CHN2: variants seen among roughly 807,000 people sequenced by gnomAD.
The protein encoded by CHN2 is chimerin 2.
A neutral mutation model predicts 56.3 loss-of-function variants in CHN2; 35 were observed. The observed-to-expected ratio is 0.62, with a 90% CI of 0.47 to 0.82. The LOEUF (loss-of-function observed/expected upper bound fraction) is 0.82. Among genes scored for constraint, CHN2 ranks in the 40% least tolerant of loss-of-function variants. CHN2 has a pLI of 0.00. For missense variants in CHN2, 491 were observed against 580.5 expected, an observed-to-expected ratio of 0.85 and a Z score of 1.58; for synonymous variants, 210 against 212.8, an observed-to-expected ratio of 0.99 and a Z score of 0.12.
intron 6 of CHN2, among the ~76,000 whole-genome samples, chr7:29,443,420 G>A (rs534099154): frequency 6.6e-6 from 1 of 152,294 alleles, no homozygotes; most frequent in South Asian, 2.1e-4. Flanking sequence ...CTAGGTTTGT[G>A]TCAGTACATC....
chr7:29,211,068 T>TTTGTTG (rs1554363856), intron 1 of CHN2, among the ~76,000 whole-genome samples: 5 of 147,426 alleles, frequency 3.4e-5, no homozygotes, highest in East Asian at 2.0e-4. Context: ...TGTTTTTTTT[T>TTTGTTG]TTGTTGTTGT....
chr7:29,456,427 G>GA (rs1562621340), intron 6 of CHN2, among the ~76,000 whole-genome samples: 6 of 152,162 alleles, frequency 3.9e-5, no homozygotes, highest in African/African-American at 1.4e-4. Flanking sequence ...GAGAGAGGGG[G>GA]ACAGAAGAAG....
intron 1 of CHN2, among the ~76,000 whole-genome samples, chr7:29,258,021 T>C (rs1429560810): frequency 6.6e-6 from 1 of 152,102 alleles, no homozygotes; most frequent in Non-Finnish European, 1.5e-5. Flanking sequence ...TGGGGTCAAG[T>C]GATCCTCCTG....
chr7:29,324,462 G>A (rs1795641066), intron 1 of CHN2, among the ~76,000 whole-genome samples: 1 of 152,128 alleles, frequency 6.6e-6, no homozygotes, highest in Non-Finnish European at 1.5e-5. Context: ...ATAGGGGTTG[G>A]GTTAGTTCAG....
At chr7:29,394,678 A>G (rs1230686414) in intron 4 of CHN2, among the ~76,000 whole-genome samples, 1 of 152,224 alleles carries the variant, frequency 6.6e-6, no homozygotes, top group Non-Finnish European at 1.5e-5. Context: ...CCTACTGTCT[A>G]ATCTATGTTG....
At chr7:29,437,426 G>A (rs1348522453) in intron 6 of CHN2, among the ~76,000 whole-genome samples, 2 of 108,834 alleles carry the variant, frequency 1.8e-5, no homozygotes, top group African/African-American at 4.5e-5. Flanking sequence ...GTGAAACCCC[G>A]TCTCTACTAA....
In CHN2 at chr7:29,469,762, C is replaced by T. The variant is rs1785872628; in HGVS notation, c.577-10517C>T. ...CTTTGTTTTTCTTCATGGTTCCCAA[C>T]ACTTTTTAAAAGAATATACAATGTA... On this transcript the variant is annotated intron_variant, in intron 6 of 12. Coordinates refer to ENST00000222792, the MANE Select transcript of CHN2 (RefSeq NM_004067.4). 6.6e-5 allele frequency among the ~76,000 whole-genome samples: 10 copies of T among 152,298 alleles called. No individual in the cohort carries two copies. The South Asian group carries it at 2.1e-3, about 32-fold the overall frequency.
At chr7:29,480,847 G>C (rs930378621) in intron 7 of CHN2, among the ~76,000 whole-genome samples, 2 of 152,220 alleles carry the variant, frequency 1.3e-5, no homozygotes, top group Non-Finnish European at 2.9e-5. Context: ...AATGACAGGA[G>C]ATGCCATCCA....
At chr7:29,279,436 G>A (rs1048973010) in intron 1 of CHN2, among the ~76,000 whole-genome samples, 6 of 152,240 alleles carry the variant, frequency 3.9e-5, no homozygotes, top group Admixed American at 3.9e-4. Flanking sequence ...TTAGACATTG[G>A]AATGCATTTG....
chr7:29,427,503 A>G (rs912747418), intron 6 of CHN2, among the ~76,000 whole-genome samples: 4 of 152,072 alleles, frequency 2.6e-5, no homozygotes, highest in Non-Finnish European at 4.4e-5. Context: ...AATTCTGCCT[A>G]CCACATCCTC....
intron 1 of CHN2, among the ~76,000 whole-genome samples, chr7:29,297,768 G>A (rs895889387): frequency 6.6e-6 from 1 of 152,068 alleles, no homozygotes; most frequent in Non-Finnish European, 1.5e-5. Flanking sequence ...ACCTTTCCCA[G>A]TTTGGAGGAT....
chr7:29,471,013 T>G (rs1785981962), intron 6 of CHN2, among the ~76,000 whole-genome samples: 1 of 152,224 alleles, frequency 6.6e-6, no homozygotes, highest in Non-Finnish European at 1.5e-5. Flanking sequence ...TCGTAATAGC[T>G]GCTTCTCCCT....
chr7:29,181,442 G>C (rs926528171), intron 2 of CHN2: 6 of 152,162 alleles, frequency 3.9e-5, no homozygotes, highest in Middle Eastern at 3.2e-3. Flanking sequence ...GGCACATATA[G>C]ATTTATGTGT....
rs1562635660 is a variant in CHN2, at chr7:29,473,481, T to TG, written c.577-6798_577-6797insG. ...GTGTGTGTGTTTGTGTTTTTTTTTTTTTGTGTGTGTGTGTGTGTGTGTGTG... is the reference window on the plus strand; with the variant it reads ...GTGTGTGTGTTTGTGTTTTTTTTTTTGTTGTGTGTGTGTGTGTGTGTGTGTG... On this transcript the variant is annotated intron_variant, in intron 6 of 12. Transcript: ENST00000222792. Among the ~76,000 whole-genome samples the TG allele has an allele frequency of 2.7e-3, 356 of 130,068 alleles. 5 individuals are homozygous for TG. The highest frequency in any genetic ancestry group is 7.7e-3 in the African/African-American group (261 of 34,002). The allele number at this position is 130,068 out of a possible 152,430, so 85.3% of individuals were successfully genotyped here.
At chr7:29,267,237 C>CTT (rs11436051) in intron 1 of CHN2, among the ~76,000 whole-genome samples, 47 of 144,716 alleles carry the variant, frequency 3.2e-4, no homozygotes, top group Admixed American at 4.8e-4. Context: ...GTGCATATTT[C>CTT]TTTTTTTTTT....
intron 12 of CHN2, among the ~76,000 whole-genome samples, chr7:29,512,211 A>G (rs1007767125): frequency 9.2e-5 from 14 of 152,032 alleles, no homozygotes; most frequent in Middle Eastern, 3.2e-3. Context: ...TATAAGGCCT[A>G]TGAAAGGACC....
intron 1 of CHN2, among the ~76,000 whole-genome samples, chr7:29,243,219 C>CA (rs893722648): frequency 3.3e-5 from 5 of 151,842 alleles, no homozygotes; most frequent in African/African-American, 1.2e-4. Context: ...ACTCCAAGAA[C>CA]AAAAAAAGCA....
chr7:29,406,870 C>G (rs1196723355), intron 6 of CHN2, among the ~76,000 whole-genome samples: 2 of 152,194 alleles, frequency 1.3e-5, no homozygotes, highest in Non-Finnish European at 2.9e-5. Context: ...GGCTACTCCT[C>G]AGCCTACTTC....
Position 29,270,216 on chromosome 7 carries a change from C to T in CHN2, c.49+75226C>T, listed in dbSNP as rs538778587. 5.1e-4 allele frequency among the ~76,000 whole-genome samples: 77 copies of T among 152,184 alleles called. No homozygotes were observed. In the South Asian group the frequency reaches 0.016, roughly 31 times the overall value. On this transcript the variant is annotated intron_variant, in intron 1 of 12. Coordinates refer to ENST00000222792, the MANE Select transcript of CHN2 (RefSeq NM_004067.4). ...ATTTTATCTTCATGATAACCTTGCTCGCTGGTAGTCTTATTGTTTCAGTCC... is the reference window on the plus strand; with the variant it reads ...ATTTTATCTTCATGATAACCTTGCTTGCTGGTAGTCTTATTGTTTCAGTCC...
Sources: allele counts gnomAD v4.1 joint callset (sites outside exome capture counted in the v4.1 genomes callset), GRCh38; gene constraint gnomAD v4.1.1; transcripts MANE v1.5; gene names NCBI Gene and HGNC (gene_info 2026-07-23, HGNC 2026-07-21).